Variants in PITPNM2 observed in about 807,000 individuals in gnomAD.
PITPNM2 encodes the protein phosphatidylinositol transfer protein membrane associated 2.
Under a neutral mutation model 132.2 loss-of-function variants are expected in PITPNM2, and 35 were observed. The ratio of observed to expected loss-of-function variants is 0.26; its 90% confidence interval spans 0.20 to 0.35. PITPNM2 has a LOEUF of 0.35. Among genes scored for constraint, PITPNM2 ranks in the 10% least tolerant of loss-of-function variants. The probability of loss-of-function intolerance (pLI) is 1.00; values close to 1 mark genes in which losing one functional copy is unlikely to be tolerated. For synonymous variants in PITPNM2, 738 were observed against 799.2 expected, an observed-to-expected ratio of 0.92 and a Z score of 1.29; for missense variants, 1,332 against 1,912.0, an observed-to-expected ratio of 0.70 and a Z score of 5.66.
chr12:123,114,645 G>A (rs2042901910), intron 1 of PITPNM2, among the ~76,000 whole-genome samples: 1 of 151,922 alleles, frequency 6.6e-6, no homozygotes, highest in East Asian at 1.9e-4. Flanking sequence ...CTGAAATGTG[G>A]TCCTCCATTT....
chr12:123,120,389 C>T (rs1347813194), intron 1 of PITPNM2, among the ~76,000 whole-genome samples: 1 of 152,200 alleles, frequency 6.6e-6, no homozygotes, highest in Admixed American at 6.5e-5. Flanking sequence ...TGGCCCAGGG[C>T]AGCAGCCTCC....
rs1271736853 is a variant in PITPNM2 at position 123,106,092 on chromosome 12, G to A, written c.-96+4293C>T. Among the ~76,000 whole-genome samples the A allele has an allele frequency of 6.6e-6, 1 of 152,170 alleles. No individual in the cohort carries two copies. Among genetic ancestry groups the A allele is most frequent in the Non-Finnish European group, 1.5e-5 (1 of 68,032 alleles). The stretch of plus-strand genomic sequence containing the variant: ...CCAAAAGCATCGCCCAGAAACAATC[G>A]TCTTGCCACAGGCCCCCTGCTTCTT... On this transcript the variant is annotated intron_variant, in intron 2 of 25. Transcript: ENST00000320201. The surrounding 1 kb of genome is among the most constrained non-coding windows in gnomAD (Gnocchi z 4.4).
intron 2 of PITPNM2, among the ~76,000 whole-genome samples, chr12:123,068,068 G>A (rs2041486261): frequency 6.6e-6 from 1 of 152,186 alleles, no homozygotes; most frequent in South Asian, 2.1e-4. Context: ...AAGTGCACTG[G>A]CCTCCCCCTG....
At chr12:123,029,416 T>A (rs2039990103) in intron 3 of PITPNM2, among the ~76,000 whole-genome samples, 1 of 152,128 alleles carries the variant, frequency 6.6e-6, no homozygotes, top group African/African-American at 2.4e-5. Context: ...CGAAAGCCCA[T>A]CTCTACTAAA....
chr12:122,996,468 A>C lies in PITPNM2; in HGVS notation c.1772T>G (p.Val591Gly), dbSNP rs757276439. ...CCCCCACTTGGGTACCTGCATGCTG[A>C]CCACGCTGCCCCGGCGGCTGCTGCT... The part of the protein sequence containing the change: ...SQSSSRRGSV[V>G]SMQDNDLLSP... The change falls in exon 13 of 26, where the codon GTC becomes GGC. Residue 591 changes from valine (V) to glycine (G), a missense_variant. Physicochemically the swap from Val to Gly is moderately radical, Grantham distance 109. This residue lies in a region of PITPNM2 where 710 missense variants were observed against 911.5 expected (regional missense o/e 0.78). Transcript: ENST00000320201. The C allele has an allele frequency of 6.2e-7, 1 of 1,613,044 alleles. No individual in the cohort carries two copies. Among genetic ancestry groups the C allele is most frequent in the East Asian group, 2.2e-5 (1 of 44,876 alleles).
chr12:123,035,388 G>A (rs1031242391), intron 2 of PITPNM2, among the ~76,000 whole-genome samples: 1 of 152,052 alleles, frequency 6.6e-6, no homozygotes, highest in African/African-American at 2.4e-5. Flanking sequence ...TAACTGGGCC[G>A]GGCACAGTGG....
At chr12:123,050,919 T>C (rs1346587433) in intron 2 of PITPNM2, among the ~76,000 whole-genome samples, 2 of 152,126 alleles carry the variant, frequency 1.3e-5, no homozygotes, top group Non-Finnish European at 1.5e-5. Flanking sequence ...GAAAGCCCCA[T>C]GGGCACATAA....
intron 2 of PITPNM2, among the ~76,000 whole-genome samples, chr12:123,039,394 A>G (rs1189062086): frequency 6.6e-6 from 1 of 152,242 alleles, no homozygotes; most frequent in Non-Finnish European, 1.5e-5. Flanking sequence ...ATATTTTGAA[A>G]TCATGGCAAT....
intron 2 of PITPNM2, among the ~76,000 whole-genome samples, chr12:123,048,089 A>T (rs1266965256): frequency 7.0e-6 from 1 of 143,292 alleles, no homozygotes; most frequent in East Asian, 2.1e-4. Flanking sequence ...ACAGAGTGAG[A>T]CTCCATCTCA....
At position 123,117,453 on chromosome 12, in the gene PITPNM2, T is replaced by A. The variant is rs1566300357; in HGVS notation, c.-199-6965A>T. On this transcript the variant is annotated intron_variant, in intron 1 of 25. Coordinates refer to ENST00000320201, the MANE Select transcript of PITPNM2 (RefSeq NM_020845.3). This position sits in a 1 kb window ranked among gnomAD's most constrained non-coding sequence, Gnocchi z 4.7. ...CATTGGCATGGGATTGAGACCAGAG[T>A]TCTGGCTGCTGACTCTGGGTAAGTC... Among the ~76,000 whole-genome samples the A allele has an allele frequency of 6.6e-6, 1 of 152,124 alleles. No individual in the cohort carries two copies. Among genetic ancestry groups the A allele is most frequent in the Non-Finnish European group, 1.5e-5 (1 of 68,018 alleles).
At chr12:123,148,791 G>A (rs1446025113) in intron 1 of PITPNM2, among the ~76,000 whole-genome samples, 1 of 152,138 alleles carries the variant, frequency 6.6e-6, no homozygotes, top group African/African-American at 2.4e-5. Context: ...TGGGGGGCAC[G>A]TGTAAACAGA....
At chr12:123,114,096 A>G (rs1414371410) in intron 1 of PITPNM2, among the ~76,000 whole-genome samples, 2 of 152,298 alleles carry the variant, frequency 1.3e-5, no homozygotes, top group East Asian at 3.9e-4. Flanking sequence ...TCATCCATCG[A>G]TGGACATTTG....
At chr12:123,084,553 G>A (rs1469749472) in intron 2 of PITPNM2, 1 of 152,256 alleles carries the variant, frequency 6.6e-6, no homozygotes, top group Non-Finnish European at 1.5e-5. Flanking sequence ...ACCCACCTGG[G>A]GCCAGAAAGA....
rs2041998554 is a variant in PITPNM2, at chr12:123,082,638, G to A, written c.-96+27747C>T. Among the ~76,000 whole-genome samples, 1 of 152,140 alleles carries A rather than the reference G, an allele frequency of 6.6e-6. No individual in the cohort carries two copies. Among genetic ancestry groups the A allele is most frequent in the Admixed American group, 6.5e-5 (1 of 15,284 alleles). On this transcript the variant is annotated intron_variant, in intron 2 of 25. Coordinates refer to ENST00000320201, the MANE Select transcript of PITPNM2 (RefSeq NM_020845.3). The surrounding 1 kb of genome is among the most constrained non-coding windows in gnomAD (Gnocchi z 5.4). ...TTTTAGTAAGACGGGGTTTCACCAT[G>A]TTGGTCAGGCTGGTCTCAAACTCCT...
intron 1 of PITPNM2, among the ~76,000 whole-genome samples, chr12:123,119,145 C>T (rs1260763816): frequency 3.3e-5 from 5 of 152,264 alleles, no homozygotes; most frequent in East Asian, 1.9e-4. Context: ...CAAGACTTAA[C>T]GCAGCAAGAC....
chr12:123,000,949 A>C lies in PITPNM2; in HGVS notation c.1154-101T>G. The C allele has an allele frequency of 6.5e-7, 1 of 1,535,668 alleles. No individual in the cohort carries two copies. Among genetic ancestry groups the C allele is most frequent in the Non-Finnish European group, 9.0e-7 (1 of 1,110,042 alleles). On this transcript the variant is annotated intron_variant, in intron 9 of 25. Transcript: ENST00000320201. This position sits in a 1 kb window ranked among gnomAD's most constrained non-coding sequence, Gnocchi z 5.4. ...GACGAGGGGAGCTTGGGGGTCCCCA[A>C]CTCACATGTATGCCCAGCACTGTGC... is the stretch of plus-strand genomic sequence containing the variant.
In PITPNM2 at chr12:123,001,162, G is replaced by A. The variant is rs1476775924; in HGVS notation, c.1049-4C>T. ...TCCTCTGTGTCGGACAGGTCCTCTG[G>A]AGAGGAGAGAGGGAAACTCAGGTGG... On this transcript the variant is annotated splice_polypyrimidine_tract_variant and splice_region_variant and intron_variant, in intron 8 of 25. Transcript: ENST00000320201. 7 of 1,611,124 alleles carry A rather than the reference G, an allele frequency of 4.3e-6. No individual in the cohort carries two copies. Among genetic ancestry groups the A allele is most frequent in the African/African-American group, 2.7e-5 (2 of 74,884 alleles).
chr12:123,107,215 C>T (rs576367882), intron 2 of PITPNM2, among the ~76,000 whole-genome samples: 10 of 152,330 alleles, frequency 6.6e-5, no homozygotes, highest in Non-Finnish European at 1.2e-4. Flanking sequence ...GCCTGAGCCA[C>T]GGGGAGTCCG....
At chr12:123,071,604 G>A (rs1328199907) in intron 2 of PITPNM2, among the ~76,000 whole-genome samples, 4 of 152,234 alleles carry the variant, frequency 2.6e-5, no homozygotes, top group East Asian at 1.9e-4. Context: ...GAAAAGCAGC[G>A]GTTGGCCTGG....
Sources: gnomAD v4.1 joint callset for allele counts (sites outside exome capture counted in the v4.1 genomes callset) on GRCh38, gnomAD v4.1.1 for gene constraint, gnomAD v4.1.1 regional missense constraint, Gnocchi (gnomAD v3.1) non-coding constraint, MANE v1.5 for transcripts, NCBI Gene and HGNC (gene_info 2026-07-23, HGNC 2026-07-21) for gene names.